Variants in DNAJC7 observed in about 807,000 individuals in gnomAD.
DNAJC7 encodes the protein DnaJ heat shock protein family (Hsp40) member C7.
Under a neutral mutation model 67.4 loss-of-function variants are expected in DNAJC7, and 18 were observed. That is an observed-to-expected ratio of 0.27 (90% CI 0.18 to 0.40). The LOEUF (loss-of-function observed/expected upper bound fraction) is 0.40, where lower values mean the gene tolerates loss of function less well. Ranked by LOEUF, DNAJC7 falls within the 10% of genes least tolerant of loss-of-function variation. The probability of loss-of-function intolerance (pLI) is 1.00; values close to 1 mark genes in which losing one functional copy is unlikely to be tolerated. For missense variants in DNAJC7, 419 were observed against 613.8 expected, an observed-to-expected ratio of 0.68 and a Z score of 3.35; for synonymous variants, 220 against 207.8, an observed-to-expected ratio of 1.06 and a Z score of -0.50.
chr17:42,004,594 C>A (rs75881902), intron 1 of DNAJC7, among the ~76,000 whole-genome samples: 16,547 of 152,102 alleles, frequency 0.11, 1,016 homozygotes, highest in African/African-American at 0.15. Flanking sequence ...AAAGGTTTTC[C>A]AAAAAAATCT....
At chr17:42,016,402 T>C (rs1342047090) in intron 1 of DNAJC7, 1 of 152,188 alleles carries the variant, frequency 6.6e-6, no homozygotes, top group South Asian at 2.1e-4. Flanking sequence ...TGTAGATATC[T>C]TGAACAAAAG....
At chr17:41,990,964 T>TA (rs2051498914) in intron 5 of DNAJC7, among the ~76,000 whole-genome samples, 1 of 152,118 alleles carries the variant, frequency 6.6e-6, no homozygotes, top group African/African-American at 2.4e-5. Flanking sequence ...CACCCAGCCT[T>TA]AAAATAGTTA....
At chr17:41,981,660 T>C (rs2051255735) in intron 12 of DNAJC7, 195 bp downstream of exon 12, 1 of 678,282 alleles carries the variant, frequency 1.5e-6, no homozygotes, top group African/African-American at 1.8e-5. Flanking sequence ...CCCTTGCTAG[T>C]GCTCGCCTCC....
chr17:41,982,014 T>C lies in DNAJC7; in HGVS notation c.1232-7A>G. ...CTGGCTCCACTATGCCGATCTAAAG[T>C]GGGGAGTAAAAGAACAACTCAGTGG... On this transcript the variant is annotated splice_polypyrimidine_tract_variant and splice_region_variant and intron_variant, in intron 11 of 13. Transcript: ENST00000457167. The C allele has an allele frequency of 6.2e-7, 1 of 1,611,612 alleles. No individual in the cohort carries two copies. The highest frequency in any genetic ancestry group is 8.5e-7 in the Non-Finnish European group (1 of 1,179,182).
chr17:41,994,679 A>C (rs1187066145), intron 5 of DNAJC7, among the ~76,000 whole-genome samples, 191 bp downstream of exon 5: 2 of 152,184 alleles, frequency 1.3e-5, no homozygotes, highest in Non-Finnish European at 2.9e-5. Context: ...TCATAGGGCC[A>C]AATATAATTA....
chr17:42,003,240 T>A (rs2051856309), intron 1 of DNAJC7: 1 of 152,214 alleles, frequency 6.6e-6, no homozygotes, highest in Admixed American at 6.5e-5. Flanking sequence ...CACTTAGTGC[T>A]TTTAGACTGA....
At chr17:41,989,758 A>G (rs1403950807) in intron 6 of DNAJC7, among the ~76,000 whole-genome samples, 4 of 152,258 alleles carry the variant, frequency 2.6e-5, no homozygotes, top group African/African-American at 9.6e-5. Context: ...TGTGTCTTAC[A>G]ATCCTTATTA....
intron 1 of DNAJC7, among the ~76,000 whole-genome samples, chr17:42,012,171 C>T (rs1598155271): frequency 6.6e-6 from 1 of 152,192 alleles, no homozygotes; most frequent in Non-Finnish European, 1.5e-5. Context: ...TGCTGAGACA[C>T]GTAAGTGTTT....
chr17:41,990,954 C>T (rs1338457923), intron 5 of DNAJC7, among the ~76,000 whole-genome samples: 1 of 152,188 alleles, frequency 6.6e-6, no homozygotes, highest in African/African-American at 2.4e-5. Context: ...TGAGCCACCA[C>T]ACCCAGCCTT....
At chr17:41,986,047 T>TAAAAAAAAAACAAAAAA in intron 9 of DNAJC7, 1 of 32,550 alleles carries the variant, frequency 3.1e-5, no homozygotes, top group Non-Finnish European at 5.3e-5. Flanking sequence ...GGGGCTTGCT[T>TAAAAAAAAAACAAAAAA]AAAAAAAAAA....
chr17:42,010,797 AC>A (rs1356802821), intron 1 of DNAJC7, among the ~76,000 whole-genome samples: 1 of 152,226 alleles, frequency 6.6e-6, no homozygotes, highest in Non-Finnish European at 1.5e-5. Context: ...TGGCCTCCCC[AC>A]ACAAATTGTA....
chr17:41,994,322 T>C (rs1291272328), intron 5 of DNAJC7, among the ~76,000 whole-genome samples: 2 of 150,368 alleles, frequency 1.3e-5, no homozygotes, highest in Non-Finnish European at 3.0e-5. Context: ...GGTGACAGAG[T>C]GAAACTCCAT....
intron 13 of DNAJC7, 47 bp from the exon 14 acceptor site, chr17:41,976,817 G>A (rs1567950844): frequency 1.3e-6 from 2 of 1,596,010 alleles, no homozygotes. Flanking sequence ...ATTTTCTAAG[G>A]AAGATCACTT....
At chr17:41,984,720 C>T (rs1466522947) in intron 9 of DNAJC7, 1 of 152,146 alleles carries the variant, frequency 6.6e-6, no homozygotes, top group Non-Finnish European at 1.5e-5. Context: ...GGTAGGAGTT[C>T]CAGAGACAGC....
intron 1 of DNAJC7, among the ~76,000 whole-genome samples, chr17:42,012,096 CTGACTCT>C (rs1366940667): frequency 6.6e-6 from 1 of 152,228 alleles, no homozygotes; most frequent in Non-Finnish European, 1.5e-5. Context: ...TAAGGATGTC[CTGACTCT>C]TAAGTCTATG....
At chr17:42,014,855 A>G (rs1000790179) in intron 1 of DNAJC7, 2 of 150,212 alleles carry the variant, frequency 1.3e-5, no homozygotes, top group Non-Finnish European at 3.0e-5. Flanking sequence ...CACCACGCCC[A>G]GTCTTTTTTC....
chr17:41,994,085 C>T (rs1452726983), intron 5 of DNAJC7, among the ~76,000 whole-genome samples: 1 of 149,674 alleles, frequency 6.7e-6, no homozygotes, highest in East Asian at 2.0e-4. Flanking sequence ...CGCCTGTAAT[C>T]CCAGCACTTT....
intron 7 of DNAJC7, 120 bp downstream of exon 7, chr17:41,989,282 TCC>T: frequency 7.4e-7 from 1 of 1,347,446 alleles, no homozygotes. Flanking sequence ...AGACCAAGCA[TCC>T]TTGCAAAGCA....
chr17:42,003,426 A>G (rs1419560421), intron 1 of DNAJC7: 2 of 152,234 alleles, frequency 1.3e-5, no homozygotes, highest in Non-Finnish European at 2.9e-5. Context: ...GAACTGAACA[A>G]GGCTGCATCA....
Sources: gnomAD v4.1 joint callset for allele counts (sites outside exome capture counted in the v4.1 genomes callset) on GRCh38, gnomAD v4.1.1 for gene constraint, MANE v1.5 for transcripts, NCBI Gene and HGNC (gene_info 2026-07-23, HGNC 2026-07-21) for gene names.